The following PCGF5 variants were observed in gnomAD, a reference collection of about 807,000 sequenced individuals.
PCGF5 encodes the protein polycomb group RING finger protein 5.
A neutral mutation model predicts 44.3 loss-of-function variants in PCGF5; 9 were observed. The ratio of observed to expected loss-of-function variants is 0.20; its 90% CI spans 0.12 to 0.35. The LOEUF (loss-of-function observed/expected upper bound fraction) is 0.35. Ranked by LOEUF, PCGF5 falls within the 10% of genes least tolerant of loss-of-function variation. The probability of loss-of-function intolerance (pLI) is 1.00; values close to 1 mark genes in which losing one functional copy is unlikely to be tolerated. For missense variants in PCGF5, 146 were observed against 305.3 expected (o/e 0.48, Z 3.89); for synonymous variants, 95 against 102.5 (o/e 0.93, Z 0.44).
chr10:91,233,162 A>G (rs572096023), intron 2 of PCGF5, among the ~76,000 whole-genome samples: 3 of 152,274 alleles, frequency 2.0e-5, no homozygotes, highest in East Asian at 3.9e-4. Context: ...TGGAATTTAT[A>G]TTGGTAAGAC....
upstream of PCGF5, among the ~76,000 whole-genome samples, chr10:91,160,420 A>T (rs1843362708): frequency 6.6e-6 from 1 of 152,192 alleles, no homozygotes; most frequent in Admixed American, 6.5e-5. Context: ...GCAATAGCAA[A>T]GTCACCAGAT....
intron 1 of PCGF5, among the ~76,000 whole-genome samples, chr10:91,189,529 A>T (rs948541383): frequency 2.6e-5 from 4 of 152,238 alleles, no homozygotes; most frequent in African/African-American, 9.6e-5. Context: ...TATATGACAT[A>T]AAAATTGTAT....
upstream of PCGF5, among the ~76,000 whole-genome samples, chr10:91,161,643 A>G (rs1843384710): frequency 6.6e-6 from 1 of 152,180 alleles, no homozygotes. Context: ...CATTATGAGT[A>G]TGGAGGGCAC....
At chr10:91,174,847 C>G (rs1170161597) in intron 1 of PCGF5, among the ~76,000 whole-genome samples, 1 of 152,212 alleles carries the variant, frequency 6.6e-6, no homozygotes, top group East Asian at 1.9e-4. Flanking sequence ...CATGTGTTTA[C>G]TGTCAGTCTC....
chr10:91,197,517 T>C (rs1844158874), intron 1 of PCGF5, among the ~76,000 whole-genome samples: 1 of 152,042 alleles, frequency 6.6e-6, no homozygotes, highest in African/African-American at 2.4e-5. Context: ...CCCTGATGAG[T>C]GGGATTTGTA....
intron 1 of PCGF5, among the ~76,000 whole-genome samples, chr10:91,189,585 G>A (rs1339246507): frequency 6.6e-6 from 1 of 152,146 alleles, no homozygotes; most frequent in African/African-American, 2.4e-5. Flanking sequence ...TATCCAAGCT[G>A]ATAAGATCTT....
At chr10:91,259,896 T>A (rs1289405656) in intron 6 of PCGF5, among the ~76,000 whole-genome samples, 1 of 151,850 alleles carries the variant, frequency 6.6e-6, no homozygotes, top group East Asian at 1.9e-4. Context: ...ATTCAGGACA[T>A]AGGCATGGGC....
At chr10:91,198,747 G>A (rs894525831) in intron 1 of PCGF5, among the ~76,000 whole-genome samples, 2 of 152,230 alleles carry the variant, frequency 1.3e-5, no homozygotes, top group Non-Finnish European at 2.9e-5. Flanking sequence ...TTGCCAGGAT[G>A]ACGTTTTGGC....
chr10:91,180,562 C>T (rs1843800136), intron 1 of PCGF5, among the ~76,000 whole-genome samples: 1 of 152,088 alleles, frequency 6.6e-6, no homozygotes, highest in South Asian at 2.1e-4. Context: ...ATATGGTTAG[C>T]CAGTTATCAC....
At position 91,271,491 on chromosome 10, in the gene PCGF5, AAAC is replaced by A. The variant is rs1400678952; in HGVS notation, c.664-143_664-141del. The A allele has an allele frequency of 5.1e-6, 3 of 593,086 alleles. No homozygotes were observed. In the African/African-American group the frequency reaches 5.7e-5, roughly 11 times the overall value. The allele number at this position is 593,086 out of a possible 1,614,324, so 36.7% of individuals were successfully genotyped here. On this transcript the variant is annotated intron_variant, in intron 8 of 9. Coordinates refer to ENST00000336126, the MANE Select transcript of PCGF5 (RefSeq NM_032373.5). ...TAAGTTATTAAAATCTTTTTTTCAAAAACAACCACCATTTTTTTGGAAAGTGTT... is the reference window on the plus strand; with the variant it reads ...TAAGTTATTAAAATCTTTTTTTCAAAAACCACCATTTTTTTGGAAAGTGTT...
At chr10:91,160,514 G>A (rs530728559), upstream of PCGF5, among the ~76,000 whole-genome samples, 2 of 152,294 alleles carry the variant, frequency 1.3e-5, no homozygotes, top group South Asian at 4.1e-4. Flanking sequence ...CTGTCTGGAA[G>A]GGCAGCAACA....
At chr10:91,168,695 G>A (rs888504592) in intron 1 of PCGF5, among the ~76,000 whole-genome samples, 16 of 151,992 alleles carry the variant, frequency 1.1e-4, no homozygotes, top group Admixed American at 5.9e-4. Flanking sequence ...TTGGGAGGCC[G>A]AGGTGGGCAG....
chr10:91,242,380 C>T (rs562271923), intron 3 of PCGF5, among the ~76,000 whole-genome samples: 29 of 151,478 alleles, frequency 1.9e-4, no homozygotes, highest in African/African-American at 7.0e-4. Flanking sequence ...AAGATTATTA[C>T]CAACTGTTAA....
At position 91,248,446 on chromosome 10, in the gene PCGF5, T is replaced by C. The variant is rs1845527788; in HGVS notation, c.210-59T>C. On this transcript the variant is annotated intron_variant, in intron 3 of 9. Coordinates refer to ENST00000336126, the MANE Select transcript of PCGF5 (RefSeq NM_032373.5). The stretch of plus-strand genomic sequence containing the variant: ...TATAAGATTATACATCTCAGACTAT[T>C]TACATGTCAGATCTTGGTGTCTTCA... The C allele has an allele frequency of 5.6e-6, 8 of 1,422,900 alleles. No homozygotes were observed. In the East Asian group the frequency reaches 1.6e-4, roughly 28 times the overall value. 88.1% of individuals were successfully genotyped at this position (1,422,900 alleles called of 1,614,324 possible). A position where few individuals can be genotyped will look rare whatever the true frequency, so the allele number is the denominator to read the frequency against.
chr10:91,210,553 T>A (rs1844431106), intron 1 of PCGF5, among the ~76,000 whole-genome samples: 1 of 152,186 alleles, frequency 6.6e-6, no homozygotes, highest in African/African-American at 2.4e-5. Flanking sequence ...CAGTGGTTGC[T>A]ATAGAAGCAC....
At chr10:91,241,345 G>A (rs1340088408) in intron 3 of PCGF5, among the ~76,000 whole-genome samples, 2 of 152,048 alleles carry the variant, frequency 1.3e-5, no homozygotes, top group Non-Finnish European at 2.9e-5. Flanking sequence ...CTGGGATAAA[G>A]GTGTGAGCCA....
intron 2 of PCGF5, among the ~76,000 whole-genome samples, chr10:91,230,938 C>T (rs549073433): frequency 3.3e-5 from 5 of 152,118 alleles, no homozygotes; most frequent in African/African-American, 1.2e-4. Flanking sequence ...ATTTTAGAGA[C>T]GGGATCTTAC....
intron 8 of PCGF5, among the ~76,000 whole-genome samples, chr10:91,265,532 TAA>T (rs68030127): frequency 6.6e-6 from 1 of 150,480 alleles, no homozygotes; most frequent in African/African-American, 2.4e-5. Context: ...ATGTAAATCA[TAA>T]AAAAAAACAA....
intron 6 of PCGF5, among the ~76,000 whole-genome samples, chr10:91,256,789 A>G (rs1159439570): frequency 6.6e-6 from 1 of 152,092 alleles, no homozygotes; most frequent in Non-Finnish European, 1.5e-5. Context: ...TAATATATGC[A>G]GAGTGCTCAA....
Sources: gnomAD v4.1 joint callset for allele counts (sites outside exome capture counted in the v4.1 genomes callset) on GRCh38, gnomAD v4.1.1 for gene constraint, MANE v1.5 for transcripts, NCBI Gene and HGNC (gene_info 2026-07-23, HGNC 2026-07-21) for gene names.